MICU2: variants seen among roughly 807,000 people sequenced by gnomAD.
MICU2 encodes calcium uptake protein 2, mitochondrial.
Under a neutral mutation model 60.4 loss-of-function variants are expected in MICU2, and 64 were observed. The ratio of observed to expected loss-of-function variants is 1.06; its 90% CI spans 0.87 to 1.31. The LOEUF (loss-of-function observed/expected upper bound fraction) is 1.31, where lower values mean the gene tolerates loss of function less well. Among genes scored for constraint, MICU2 ranks in the 50% most tolerant of loss-of-function variants. The pLI is 0.00. For missense variants in MICU2, 569 were observed against 531.0 expected (o/e 1.07, Z -0.70); for synonymous variants, 201 against 175.0 (o/e 1.15, Z -1.17).
chr13:21,503,788 A>T (rs1015986968), intron 8 of MICU2, among the ~76,000 whole-genome samples: 4 of 152,228 alleles, frequency 2.6e-5, no homozygotes, highest in African/African-American at 9.6e-5. Context: ...ATTTATTTAT[A>T]ACCTAAATCA....
At chr13:21,535,114 A>AT (rs1010151317) in intron 4 of MICU2, among the ~76,000 whole-genome samples, 8 of 151,128 alleles carry the variant, frequency 5.3e-5, no homozygotes, top group East Asian at 1.9e-4. Flanking sequence ...TTATCTCTCA[A>AT]TTTTTTTTTC....
intron 2 of MICU2, among the ~76,000 whole-genome samples, chr13:21,561,966 G>GT (rs1480190477): frequency 6.2e-5 from 9 of 146,208 alleles, no homozygotes; most frequent in African/African-American, 2.3e-4. Flanking sequence ...GCAGTGTTTG[G>GT]TTTTTTGTCC....
intron 6 of MICU2, among the ~76,000 whole-genome samples, chr13:21,516,909 C>G (rs1456294945): frequency 1.3e-5 from 2 of 152,196 alleles, no homozygotes; most frequent in Admixed American, 1.3e-4. Context: ...GCAACCGATA[C>G]TAGGAAACAG....
chr13:21,568,956 G>A (rs1290991868), intron 1 of MICU2, among the ~76,000 whole-genome samples: 2 of 151,772 alleles, frequency 1.3e-5, no homozygotes, highest in African/African-American at 2.4e-5. Flanking sequence ...TTTTTGAAGA[G>A]GCTTCAGTCA....
At chr13:21,534,582 G>T (rs922871062) in intron 4 of MICU2, among the ~76,000 whole-genome samples, 1 of 152,032 alleles carries the variant, frequency 6.6e-6, no homozygotes, top group Non-Finnish European at 1.5e-5. Flanking sequence ...AAAAAAACAC[G>T]TAGTCTTCAT....
At chr13:21,587,284 T>C (rs1177738661) in intron 1 of MICU2, among the ~76,000 whole-genome samples, 1 of 152,324 alleles carries the variant, frequency 6.6e-6, no homozygotes, top group African/African-American at 2.4e-5. Context: ...CAAAGCCCTA[T>C]GAAGCCACAA....
At chr13:21,506,283 T>C (rs956995064) in intron 8 of MICU2, among the ~76,000 whole-genome samples, 2 of 152,228 alleles carry the variant, frequency 1.3e-5, no homozygotes, top group Non-Finnish European at 2.9e-5. Context: ...TCCAAAGTGC[T>C]GGGATTACAG....
Position 21,589,183 on chromosome 13 carries a change from A to G in MICU2, c.210+14756T>C, listed in dbSNP as rs190205800. The stretch of plus-strand genomic sequence containing the variant: ...CTGCAAGGTCTGACTTCTCTACCCA[A>G]TGAGTTAGCCTGCAACTCAGGGGTA... On this transcript the variant is annotated intron_variant, in intron 1 of 11. Transcript: ENST00000382374. Among the ~76,000 whole-genome samples the G allele has an allele frequency of 1.9e-3, 292 of 152,332 alleles. 3 individuals are homozygous for G. Among genetic ancestry groups the G allele is most frequent in the African/African-American group, 6.8e-3 (281 of 41,586 alleles).
chr13:21,519,205 C>T (rs959167875), intron 6 of MICU2, among the ~76,000 whole-genome samples: 31 of 152,138 alleles, frequency 2.0e-4, no homozygotes, highest in African/African-American at 1.2e-4. Context: ...TACAGGCATA[C>T]GCCACCACGC....
chr13:21,553,684 T>C (rs1233774096), intron 2 of MICU2, among the ~76,000 whole-genome samples: 1 of 152,042 alleles, frequency 6.6e-6, no homozygotes, highest in Non-Finnish European at 1.5e-5. Context: ...CACATAACAA[T>C]ACTAACCTTA....
chr13:21,603,720 CAG>C, intron 1 of MICU2: 1 of 575,562 alleles, frequency 1.7e-6, no homozygotes, highest in Non-Finnish European at 3.1e-6. Context: ...CCAAGGGAGG[CAG>C]AATCTCCGGT....
intron 2 of MICU2, among the ~76,000 whole-genome samples, chr13:21,543,462 T>C (rs1887331909): frequency 6.6e-6 from 1 of 152,142 alleles, no homozygotes. Context: ...AATAAATGAA[T>C]TCAGTAAAGT....
At chr13:21,592,984 C>T (rs1020973665) in intron 1 of MICU2, among the ~76,000 whole-genome samples, 4 of 152,180 alleles carry the variant, frequency 2.6e-5, no homozygotes, top group South Asian at 4.1e-4. Flanking sequence ...TCTCACCACT[C>T]GTATTCAACA....
intron 4 of MICU2, among the ~76,000 whole-genome samples, chr13:21,531,553 A>C (rs1240850940): frequency 6.6e-6 from 1 of 152,214 alleles, no homozygotes; most frequent in Non-Finnish European, 1.5e-5. Context: ...AGGAAGAAAA[A>C]GTCCCATAAA....
At chr13:21,519,700 A>G (rs948269830) in intron 6 of MICU2, among the ~76,000 whole-genome samples, 1 of 152,132 alleles carries the variant, frequency 6.6e-6, no homozygotes, top group African/African-American at 2.4e-5. Context: ...GTCCATCTGT[A>G]GGGATGGCCA....
intron 1 of MICU2, among the ~76,000 whole-genome samples, chr13:21,597,997 A>G (rs1888733063): frequency 6.6e-6 from 1 of 151,806 alleles, no homozygotes; most frequent in Non-Finnish European, 1.5e-5. Flanking sequence ...ACAACAACTG[A>G]TAACAGAGAA....
intron 8 of MICU2, 123 bp downstream of exon 8, chr13:21,509,881 C>T: frequency 1.9e-6 from 1 of 529,152 alleles, no homozygotes; most frequent in Non-Finnish European, 3.3e-6. Flanking sequence ...TACACAGATC[C>T]ACAAAATCCA....
intron 2 of MICU2, among the ~76,000 whole-genome samples, chr13:21,556,699 G>C (rs190694928): frequency 2.0e-5 from 3 of 152,200 alleles, no homozygotes; most frequent in Admixed American, 1.3e-4. Flanking sequence ...GCAAGTTCTC[G>C]GGCAGCAAGG....
chr13:21,601,819 A>G (rs1330922125), intron 1 of MICU2, among the ~76,000 whole-genome samples: 1 of 152,058 alleles, frequency 6.6e-6, no homozygotes, highest in Admixed American at 6.5e-5. Context: ...TAAAATGTGC[A>G]TTTTGGCCGG....
Sources: allele counts gnomAD v4.1 joint callset (sites outside exome capture counted in the v4.1 genomes callset), GRCh38; gene constraint gnomAD v4.1.1; transcripts MANE v1.5; gene names NCBI Gene and HGNC (gene_info 2026-07-23, HGNC 2026-07-21).